Variants in C10orf90 observed in about 807,000 individuals in gnomAD.
The protein encoded by C10orf90 is chromosome 10 open reading frame 90.
C10orf90 carries 56 observed loss-of-function variants against 62.5 expected under a neutral mutation model. That is an observed-to-expected ratio of 0.90 (90% CI 0.72 to 1.12). C10orf90 has a LOEUF of 1.12. Ranked by LOEUF, C10orf90 falls within the 50% of genes most tolerant of loss-of-function variation. C10orf90 has a pLI of 0.00. For synonymous variants in C10orf90, 386 were observed against 340.4 expected (o/e 1.13, Z -1.47); for missense variants, 970 against 880.4 (o/e 1.10, Z -1.29).
chr10:126,571,364 C>T (rs1198228259), intron 2 of C10orf90, among the ~76,000 whole-genome samples: 1 of 152,160 alleles, frequency 6.6e-6, no homozygotes, highest in African/African-American at 2.4e-5. Context: ...GGCCCTGAGC[C>T]CGGTGGCCCA....
chr10:126,663,393 G>C (rs1323173767), intron 1 of C10orf90, among the ~76,000 whole-genome samples: 1 of 152,200 alleles, frequency 6.6e-6, no homozygotes, highest in African/African-American at 2.4e-5. Flanking sequence ...ACGTAACATA[G>C]ATGGAATCCT....
chr10:126,540,209 A>G (rs979346457), intron 2 of C10orf90, among the ~76,000 whole-genome samples: 7 of 152,242 alleles, frequency 4.6e-5, no homozygotes, highest in African/African-American at 1.2e-4. Flanking sequence ...GAGGAAATAA[A>G]AGGAGAACTT....
chr10:126,506,983 T>C (rs1360323875), intron 3 of C10orf90, among the ~76,000 whole-genome samples: 1 of 151,980 alleles, frequency 6.6e-6, no homozygotes, highest in Non-Finnish European at 1.5e-5. Flanking sequence ...GGGCTTTGTG[T>C]CCTCAGAGTC....
chr10:126,473,984 C>A (rs988164834), intron 4 of C10orf90, among the ~76,000 whole-genome samples: 4 of 152,112 alleles, frequency 2.6e-5, no homozygotes, highest in African/African-American at 4.8e-5. Context: ...CAAAAGCAAG[C>A]AGATTTTGGT....
At chr10:126,496,934 T>C (rs1007197338) in intron 4 of C10orf90, among the ~76,000 whole-genome samples, 1 of 152,242 alleles carries the variant, frequency 6.6e-6, no homozygotes, top group Non-Finnish European at 1.5e-5. Context: ...TCCAGGAATG[T>C]GCAGTGTGCA....
intron 2 of C10orf90, among the ~76,000 whole-genome samples, chr10:126,538,900 A>G (rs1864308598): frequency 6.6e-6 from 1 of 152,238 alleles, no homozygotes; most frequent in African/African-American, 2.4e-5. Flanking sequence ...GGAAACCCCA[A>G]TGCCAAGGCA....
chr10:126,662,182 G>A (rs1846529686), intron 1 of C10orf90, among the ~76,000 whole-genome samples: 1 of 152,032 alleles, frequency 6.6e-6, no homozygotes, highest in African/African-American at 2.4e-5. Flanking sequence ...AAATTATTAT[G>A]GGTGGATCTA....
At chr10:126,557,799 C>G (rs1156697852) in intron 2 of C10orf90, among the ~76,000 whole-genome samples, 2 of 152,076 alleles carry the variant, frequency 1.3e-5, no homozygotes, top group Admixed American at 1.3e-4. Context: ...CTTTCTGCTC[C>G]TTTTTGTTTT....
chr10:126,560,482 C>T (rs1864876696), intron 2 of C10orf90, among the ~76,000 whole-genome samples: 1 of 152,140 alleles, frequency 6.6e-6, no homozygotes, highest in Non-Finnish European at 1.5e-5. Context: ...GAAGCCTCGT[C>T]ACTGTGTCCA....
intron 2 of C10orf90, among the ~76,000 whole-genome samples, chr10:126,575,588 T>C (rs1844593001): frequency 6.6e-6 from 1 of 151,952 alleles, no homozygotes. Context: ...CTAAAATTTG[T>C]ATAGAACCAC....
chr10:126,620,691 G>A, intron 2 of C10orf90, among the ~76,000 whole-genome samples: 1 of 151,358 alleles, frequency 6.6e-6, no homozygotes, highest in East Asian at 1.9e-4. Context: ...GTGGGAGAGA[G>A]GACAAAAATG....
intron 4 of C10orf90, among the ~76,000 whole-genome samples, chr10:126,495,123 T>A (rs1861972237): frequency 6.6e-6 from 1 of 152,222 alleles, no homozygotes; most frequent in Non-Finnish European, 1.5e-5. Flanking sequence ...CAGTTACTCA[T>A]GTATAGACGG....
chr10:126,587,194 T>C (rs1008607072), intron 2 of C10orf90, among the ~76,000 whole-genome samples: 2 of 152,352 alleles, frequency 1.3e-5, no homozygotes, highest in South Asian at 2.1e-4. Context: ...TATAGTTTAC[T>C]GGATAACTTA....
intron 4 of C10orf90, among the ~76,000 whole-genome samples, chr10:126,496,285 C>T (rs142414673): frequency 6.6e-6 from 1 of 152,294 alleles, no homozygotes; most frequent in East Asian, 1.9e-4. Flanking sequence ...CAAAGCCATT[C>T]TCTCCACGAA....
At position 126,456,576 on chromosome 10, in the gene C10orf90, C is replaced by T. The variant is rs955802729; in HGVS notation, c.2188+2464G>A. Among the ~76,000 whole-genome samples, 16 of 152,146 alleles carry T rather than the reference C, an allele frequency of 1.1e-4. No individual in the cohort carries two copies. Among genetic ancestry groups the T allele is most frequent in the Non-Finnish European group, 1.8e-4 (12 of 68,038 alleles). On this transcript the variant is annotated intron_variant, in intron 7 of 9. Coordinates refer to ENST00000488181, the MANE Select transcript of C10orf90 (RefSeq NM_001350921.2). The surrounding 1 kb of genome is among the most constrained non-coding windows in gnomAD (Gnocchi z 4.9). ...TGATATAATGAGTGTAATGATGTCG[C>T]CCCAACAAAAAGATATGTTTAAGTC... is the stretch of plus-strand genomic sequence containing the variant.
intron 1 of C10orf90, 146 bp downstream of exon 1, chr10:126,670,093 GGC>G (rs1250417547): frequency 9.0e-6 from 3 of 333,282 alleles, no homozygotes; most frequent in Non-Finnish European, 1.8e-5. Flanking sequence ...AAATGAAGAA[GGC>G]TTTTCCAAAT....
chr10:126,652,412 T>C (rs551974044), intron 1 of C10orf90, among the ~76,000 whole-genome samples: 1 of 152,334 alleles, frequency 6.6e-6, no homozygotes, highest in Non-Finnish European at 1.5e-5. Context: ...TCTATCTGTC[T>C]CTCCTTATTT....
intron 7 of C10orf90, among the ~76,000 whole-genome samples, chr10:126,442,997 G>C (rs1335948570): frequency 6.6e-6 from 1 of 151,878 alleles, no homozygotes; most frequent in African/African-American, 2.4e-5. Context: ...AAACCTCTGG[G>C]ATACAGCAAA....
rs75224958 is a variant in C10orf90 at position 126,653,285 on chromosome 10, G to A, written c.241-6648C>T. ...CTGTAGCATGTGAAGTTGTTTGGAGGCATTTCACCCGCAGTAGAACTTCTT... is the reference window on the plus strand; with the variant it reads ...CTGTAGCATGTGAAGTTGTTTGGAGACATTTCACCCGCAGTAGAACTTCTT... On this transcript the variant is annotated intron_variant, in intron 1 of 9. Coordinates refer to ENST00000488181, the MANE Select transcript of C10orf90 (RefSeq NM_001350921.2). Among the ~76,000 whole-genome samples, 39 of 152,300 alleles carry A rather than the reference G, an allele frequency of 2.6e-4. 1 individual carries two copies. In the East Asian group the frequency reaches 7.5e-3, roughly 29 times the overall value.
Sources: allele counts gnomAD v4.1 joint callset (sites outside exome capture counted in the v4.1 genomes callset), GRCh38; gene constraint gnomAD v4.1.1; non-coding constraint Gnocchi (gnomAD v3.1); transcripts MANE v1.5; gene names NCBI Gene and HGNC (gene_info 2026-07-23, HGNC 2026-07-21).